Variants in FGGY observed in about 807,000 individuals in gnomAD.
FGGY encodes the protein FGGY carbohydrate kinase domain-containing protein.
A neutral mutation model predicts 71.3 loss-of-function variants in FGGY; 72 were observed. That is an observed-to-expected ratio of 1.01 (90% CI 0.84 to 1.23). The LOEUF is 1.23. FGGY is among the 50% of genes most tolerant of loss of function. The probability of loss-of-function intolerance (pLI) is 0.00; values close to 1 mark genes in which losing one functional copy is unlikely to be tolerated. For missense variants in FGGY, 668 were observed against 682.3 expected, an observed-to-expected ratio of 0.98 and a Z score of 0.23; for synonymous variants, 251 against 250.3, an observed-to-expected ratio of 1.00 and a Z score of -0.02.
chr1:59,336,140 T>C (rs1010965813), intron 2 of FGGY, among the ~76,000 whole-genome samples: 16 of 152,166 alleles, frequency 1.1e-4, no homozygotes, highest in African/African-American at 3.9e-4. Context: ...GGATGTGATA[T>C]GTTTTGAGTT....
chr1:59,378,853 G>A lies in FGGY; in HGVS notation c.554+16G>A. The A allele has an allele frequency of 6.2e-7, 1 of 1,600,606 alleles. No homozygotes were observed. Among genetic ancestry groups the A allele is most frequent in the Non-Finnish European group, 8.6e-7 (1 of 1,168,672 alleles). On this transcript the variant is annotated intron_variant, in intron 5 of 15. Transcript: ENST00000303721. ...TCACAGCACGGTATGTTAATTACAA[G>A]TTGGATTGTGTTTGCGTTCTTCCAT...
chr1:59,678,782 G>T (rs2097462541), intron 14 of FGGY, among the ~76,000 whole-genome samples: 1 of 152,158 alleles, frequency 6.6e-6, no homozygotes, highest in Non-Finnish European at 1.5e-5. Context: ...AAAAGGAGTG[G>T]AGGAAGCATC....
chr1:59,587,185 C>A (rs554629893), intron 8 of FGGY, among the ~76,000 whole-genome samples: 16 of 152,228 alleles, frequency 1.1e-4, no homozygotes, highest in African/African-American at 3.9e-4. Context: ...CGGAGTCTCA[C>A]TGATTGCTAG....
At chr1:59,299,133 G>A (rs2042384115) in intron 1 of FGGY, among the ~76,000 whole-genome samples, 1 of 152,210 alleles carries the variant, frequency 6.6e-6, no homozygotes, top group African/African-American at 2.4e-5. Context: ...GGACTTCCCA[G>A]AAGGGAATAC....
intron 11 of FGGY, among the ~76,000 whole-genome samples, chr1:59,658,779 C>A (rs1383853739): frequency 6.6e-6 from 1 of 152,098 alleles, no homozygotes; most frequent in Non-Finnish European, 1.5e-5. Flanking sequence ...CCTCTGTCAG[C>A]AATTAGGAAG....
intron 11 of FGGY, among the ~76,000 whole-genome samples, chr1:59,645,688 T>A (rs895636564): frequency 5.9e-5 from 9 of 152,218 alleles, no homozygotes; most frequent in Non-Finnish European, 1.0e-4. Flanking sequence ...GCCTTTGTTT[T>A]GTGGTGTTTG....
At chr1:59,709,079 C>T (rs112639371) in intron 14 of FGGY, among the ~76,000 whole-genome samples, 190 of 152,266 alleles carry the variant, frequency 1.2e-3, no homozygotes, top group African/African-American at 4.0e-3. Context: ...CACACACACG[C>T]GCGCGCGCAT....
chr1:59,446,356 A>G (rs1167766946), intron 5 of FGGY, among the ~76,000 whole-genome samples: 3 of 152,138 alleles, frequency 2.0e-5, no homozygotes, highest in Admixed American at 6.6e-5. Context: ...CGTTTGAATC[A>G]TGTTATCGGC....
chr1:59,378,702 G>T, intron 4 of FGGY, 47 bp from the exon 5 acceptor site: 2 of 1,530,978 alleles, frequency 1.3e-6, no homozygotes, highest in Non-Finnish European at 1.8e-6. Context: ...AAGAGGAGAT[G>T]GTAGAAAAAC....
intron 8 of FGGY, among the ~76,000 whole-genome samples, chr1:59,596,989 T>C (rs1419591479): frequency 6.6e-6 from 1 of 152,210 alleles, no homozygotes. Context: ...TCACTTCCAC[T>C]GATATTTGAT....
chr1:59,654,655 C>A (rs1341245270), intron 11 of FGGY, among the ~76,000 whole-genome samples: 1 of 152,012 alleles, frequency 6.6e-6, no homozygotes, highest in Non-Finnish European at 1.5e-5. Flanking sequence ...ACCTATGAAC[C>A]TATAATTTAT....
intron 4 of FGGY, among the ~76,000 whole-genome samples, chr1:59,351,832 C>T (rs926904196): frequency 2.0e-5 from 3 of 152,072 alleles, no homozygotes; most frequent in African/African-American, 7.2e-5. Flanking sequence ...TTCGTTATTG[C>T]TGTCATTTAT....
At chr1:59,556,503 A>G (rs969201334) in intron 8 of FGGY, among the ~76,000 whole-genome samples, 7 of 152,220 alleles carry the variant, frequency 4.6e-5, no homozygotes, top group African/African-American at 9.6e-5. Context: ...TCTAACTCTG[A>G]TTCCAAAGCT....
chr1:59,608,233 TC>T (rs1429883070), intron 9 of FGGY, among the ~76,000 whole-genome samples: 1 of 152,140 alleles, frequency 6.6e-6, no homozygotes, highest in Non-Finnish European at 1.5e-5. Context: ...CCTTCAGTTT[TC>T]CCCATAGCCC....
intron 9 of FGGY, among the ~76,000 whole-genome samples, chr1:59,615,902 A>G (rs1420382484): frequency 6.6e-6 from 1 of 152,228 alleles, no homozygotes. Flanking sequence ...AAAAATGCTC[A>G]TCATCACTGG....
intron 4 of FGGY, among the ~76,000 whole-genome samples, chr1:59,348,248 A>T (rs538570561): frequency 6.6e-6 from 1 of 152,350 alleles, no homozygotes; most frequent in Non-Finnish European, 1.5e-5. Context: ...TTAAGTCCAT[A>T]TCTTCTGACC....
At chr1:59,395,147 T>C (rs17481692) in intron 5 of FGGY, among the ~76,000 whole-genome samples, 3,941 of 152,232 alleles carry the variant, frequency 0.026, 74 homozygotes, top group Middle Eastern at 0.058. Context: ...TTTCTTGACA[T>C]ACATTTTTCT....
chr1:59,725,009 T>G (rs1482587124), intron 14 of FGGY, among the ~76,000 whole-genome samples: 1 of 152,232 alleles, frequency 6.6e-6, no homozygotes, highest in Non-Finnish European at 1.5e-5. Context: ...ATTATGCTTT[T>G]GGTTTTGTAT....
chr1:59,363,028 A>AT (rs2055891583), intron 4 of FGGY, among the ~76,000 whole-genome samples: 1 of 152,348 alleles, frequency 6.6e-6, no homozygotes, highest in African/African-American at 2.4e-5. Context: ...TCCTAAAAAA[A>AT]GAGCTAAGGG....
Sources: gnomAD v4.1 joint callset for allele counts (sites outside exome capture counted in the v4.1 genomes callset) on GRCh38, gnomAD v4.1.1 for gene constraint, MANE v1.5 for transcripts, NCBI Gene and HGNC (gene_info 2026-07-23, HGNC 2026-07-21) for gene names.